NPAS3: variants seen among roughly 807,000 people sequenced by gnomAD.
The protein encoded by NPAS3 is neuronal PAS domain-containing protein 3.
A neutral mutation model predicts 73.1 loss-of-function variants in NPAS3; 14 were observed. The ratio of observed to expected loss-of-function variants is 0.19; its 90% CI spans 0.13 to 0.30. The LOEUF (loss-of-function observed/expected upper bound fraction) is 0.30, where lower values mean the gene tolerates loss of function less well. NPAS3 is among the 10% of genes least tolerant of loss of function. The pLI is 1.00. For synonymous variants in NPAS3, 620 were observed against 541.5 expected (o/e 1.14, Z -2.01); for missense variants, 1,096 against 1,250.0 (o/e 0.88, Z 1.86).
chr14:33,314,797 A>G (rs2043142366), intron 3 of NPAS3, among the ~76,000 whole-genome samples: 1 of 151,988 alleles, frequency 6.6e-6, no homozygotes, highest in African/African-American at 2.4e-5. Flanking sequence ...CACTGACTCA[A>G]TCCTAATTTG....
At chr14:33,669,715 C>T (rs1399930340) in intron 5 of NPAS3, among the ~76,000 whole-genome samples, 1 of 152,118 alleles carries the variant, frequency 6.6e-6, no homozygotes, top group Non-Finnish European at 1.5e-5. Context: ...CCCAATGAGT[C>T]TCAATTAGTA....
intron 6 of NPAS3, among the ~76,000 whole-genome samples, chr14:33,689,013 G>A (rs1311275771): frequency 6.6e-6 from 1 of 152,220 alleles, no homozygotes; most frequent in East Asian, 1.9e-4. Flanking sequence ...TAATAATTGA[G>A]AGTTACTGTA....
intron 2 of NPAS3, among the ~76,000 whole-genome samples, chr14:33,123,277 G>A (rs1364768529): frequency 6.6e-6 from 1 of 151,988 alleles, no homozygotes; most frequent in Non-Finnish European, 1.5e-5. Flanking sequence ...TGGGGATTTG[G>A]GGGACCTACT....
chr14:33,800,985 G>C lies in NPAS3; in HGVS notation c.2678G>C (p.Ser893Thr). Residue 893 changes from serine (S) to threonine (T), a missense_variant, in exon 12 of 12, where the codon AGC (serine) becomes ACC (threonine). Coordinates refer to ENST00000356141, the Ensembl canonical transcript of NPAS3. This position sits in a 1 kb window ranked among gnomAD's most constrained non-coding sequence, Gnocchi z 6.5. ...TTCGGCGGCGCAGTGAGCGCAGCTAGCCTGACGCAGATGCCCGCCGGCAAC... is the reference window on the plus strand; with the variant it reads ...TTCGGCGGCGCAGTGAGCGCAGCTACCCTGACGCAGATGCCCGCCGGCAAC... 1 of 1,590,200 alleles carries C rather than the reference G, an allele frequency of 6.3e-7. No individual in the cohort carries two copies. Among genetic ancestry groups the C allele is most frequent in the Non-Finnish European group, 8.6e-7 (1 of 1,169,158 alleles).
rs368921372 is a variant in NPAS3 at position 33,089,978 on chromosome 14, T to G, written c.140+33984T>G. On this transcript the variant is annotated intron_variant, in intron 2 of 11. Coordinates refer to ENST00000356141, the Ensembl canonical transcript of NPAS3. ...GATTTTGTCACCACCAGGTCTGCCC[T>G]ACAAGAGCTCCTAAAGGAAGCACTA... Among the ~76,000 whole-genome samples, 12 of 152,294 alleles carry G rather than the reference T, an allele frequency of 7.9e-5. No individual in the cohort carries two copies. In the East Asian group the frequency reaches 1.7e-3, roughly 22 times the overall value.
intron 3 of NPAS3, among the ~76,000 whole-genome samples, chr14:33,353,418 C>T (rs1325762591): frequency 6.6e-6 from 1 of 152,192 alleles, no homozygotes; most frequent in Non-Finnish European, 1.5e-5. Flanking sequence ...ACTCCAAAAG[C>T]AATTCCAAGT....
chr14:33,011,812 T>C (rs1453742946), intron 1 of NPAS3, among the ~76,000 whole-genome samples: 1 of 152,216 alleles, frequency 6.6e-6, no homozygotes, highest in Non-Finnish European at 1.5e-5. Context: ...TGCTTCTAAT[T>C]GCAGGCTGTG....
intron 4 of NPAS3, among the ~76,000 whole-genome samples, chr14:33,441,463 A>G (rs2049244867): frequency 1.3e-5 from 2 of 152,244 alleles, no homozygotes; most frequent in Non-Finnish European, 2.9e-5. Flanking sequence ...CAATAGCAGA[A>G]TCCCTTGGAA....
intron 2 of NPAS3, among the ~76,000 whole-genome samples, chr14:33,198,957 G>C (rs866238469): frequency 6.6e-6 from 1 of 152,208 alleles, no homozygotes; most frequent in Non-Finnish European, 1.5e-5. Flanking sequence ...ACCCAGGGCC[G>C]TCTCTGCAGC....
intron 4 of NPAS3, among the ~76,000 whole-genome samples, chr14:33,390,124 G>T (rs959506253): frequency 5.3e-5 from 8 of 152,152 alleles, no homozygotes; most frequent in Admixed American, 1.3e-4. Context: ...TAAGGATACT[G>T]GAAAGAGATT....
At chr14:33,518,466 C>T (rs1426790641) in intron 4 of NPAS3, among the ~76,000 whole-genome samples, 1 of 152,086 alleles carries the variant, frequency 6.6e-6, no homozygotes, top group African/African-American at 2.4e-5. Flanking sequence ...CCTTTGAGAT[C>T]AACCAAGAGT....
At chr14:33,665,301 C>T (rs758279862) in intron 5 of NPAS3, among the ~76,000 whole-genome samples, 1 of 151,472 alleles carries the variant, frequency 6.6e-6, no homozygotes, top group Non-Finnish European at 1.5e-5. Context: ...GCCAGGGGGT[C>T]GGGGGCTAGG....
At chr14:33,060,948 T>C (rs114889485) in intron 2 of NPAS3, among the ~76,000 whole-genome samples, 2,996 of 152,294 alleles carry the variant, frequency 0.02, 73 homozygotes, top group African/African-American at 0.069. Context: ...CAGTATATAG[T>C]GTTAAGGCTG....
chr14:33,431,347 A>G (rs746225222), intron 4 of NPAS3, among the ~76,000 whole-genome samples: 1 of 152,252 alleles, frequency 6.6e-6, no homozygotes, highest in Non-Finnish European at 1.5e-5. Flanking sequence ...AAAGGTCTAC[A>G]TGTATTCATA....
At chr14:33,555,595 T>C (rs1164785558) in intron 4 of NPAS3, among the ~76,000 whole-genome samples, 1 of 152,174 alleles carries the variant, frequency 6.6e-6, no homozygotes, top group Admixed American at 6.5e-5. Flanking sequence ...TTCTTCCTCC[T>C]CCCACCTTTT....
intron 7 of NPAS3, among the ~76,000 whole-genome samples, chr14:33,736,785 G>A (rs2061533933): frequency 6.6e-6 from 1 of 152,144 alleles, no homozygotes; most frequent in African/African-American, 2.4e-5. Context: ...CACATCCCAG[G>A]AGGGAAGAAG....
At chr14:33,059,603 A>G (rs2041019173) in intron 2 of NPAS3, among the ~76,000 whole-genome samples, 1 of 152,184 alleles carries the variant, frequency 6.6e-6, no homozygotes, top group Non-Finnish European at 1.5e-5. Flanking sequence ...TTTCCTTTTT[A>G]GTGGTCTTTT....
intron 2 of NPAS3, among the ~76,000 whole-genome samples, chr14:33,150,772 A>G (rs1406559099): frequency 6.6e-6 from 1 of 152,144 alleles, no homozygotes; most frequent in African/African-American, 2.4e-5. Flanking sequence ...TCTGTCTCTG[A>G]TCTCATGAGT....
rs1160847809 is a variant in NPAS3, at chr14:33,454,643, T to C, written c.468+87375T>C. ...TATAGGCATGCATTCAGTAAAATCA[T>C]GGTATTTGAGAGCTGCAAAGGGTCT... On this transcript the variant is annotated intron_variant, in intron 4 of 11. Coordinates refer to ENST00000356141, the Ensembl canonical transcript of NPAS3. 9.2e-5 allele frequency among the ~76,000 whole-genome samples: 14 copies of C among 152,318 alleles called. No homozygotes were observed. In the East Asian group the frequency reaches 2.5e-3, roughly 27 times the overall value.
Sources: gnomAD v4.1 joint callset for allele counts (sites outside exome capture counted in the v4.1 genomes callset) on GRCh38, gnomAD v4.1.1 for gene constraint, Gnocchi (gnomAD v3.1) non-coding constraint, MANE v1.5 for transcripts, NCBI Gene and HGNC (gene_info 2026-07-23, HGNC 2026-07-21) for gene names.